The following MAD1L1 variants were observed in gnomAD, a reference collection of about 807,000 sequenced individuals.
The protein encoded by MAD1L1 is mitotic spindle assembly checkpoint protein MAD1.
Under a neutral mutation model 96.9 loss-of-function variants are expected in MAD1L1, and 95 were observed. The ratio of observed to expected loss-of-function variants is 0.98; its 90% CI spans 0.83 to 1.16. The LOEUF (loss-of-function observed/expected upper bound fraction) is 1.16. MAD1L1 is among the 50% of genes most tolerant of loss of function. The probability of loss-of-function intolerance (pLI) is 0.00; values close to 1 mark genes in which losing one functional copy is unlikely to be tolerated. For missense variants in MAD1L1, 1,007 were observed against 954.4 expected, an observed-to-expected ratio of 1.06 and a Z score of -0.73; for synonymous variants, 473 against 396.6, an observed-to-expected ratio of 1.19 and a Z score of -2.29.
chr7:2,224,393 T>C (rs1562388670), intron 4 of MAD1L1, among the ~76,000 whole-genome samples: 1 of 151,962 alleles, frequency 6.6e-6, no homozygotes, highest in Non-Finnish European at 1.5e-5. Context: ...ACGCCCCACC[T>C]CTCAGGGAAA....
chr7:2,089,674 C>T (rs552355896), intron 11 of MAD1L1, among the ~76,000 whole-genome samples: 38 of 148,546 alleles, frequency 2.6e-4, no homozygotes, highest in African/African-American at 8.2e-4. Context: ...CCACCCCACA[C>T]GCCCACCCCA....
At chr7:1,851,899 G>A (rs1404668299) in intron 18 of MAD1L1, among the ~76,000 whole-genome samples, 2 of 152,220 alleles carry the variant, frequency 1.3e-5, no homozygotes, top group African/African-American at 2.4e-5. Context: ...GCTGCTGCCC[G>A]GGAGCTGGAG....
chr7:1,952,923 G>A (rs1332910752), intron 16 of MAD1L1, among the ~76,000 whole-genome samples: 1 of 152,210 alleles, frequency 6.6e-6, no homozygotes, highest in Non-Finnish European at 1.5e-5. Context: ...TTGGCTCAGA[G>A]CACCCGCCGG....
At chr7:1,952,327 G>A (rs892600084) in intron 16 of MAD1L1, among the ~76,000 whole-genome samples, 2 of 152,208 alleles carry the variant, frequency 1.3e-5, no homozygotes, top group Non-Finnish European at 2.9e-5. Context: ...CCGGCGGCCC[G>A]GTCCGGAGTG....
intron 18 of MAD1L1, among the ~76,000 whole-genome samples, chr7:1,842,565 G>A (rs945824063): frequency 5.3e-5 from 8 of 152,274 alleles, no homozygotes; most frequent in East Asian, 3.8e-4. Flanking sequence ...TGTCCCAGGC[G>A]AGCTGAGTAA....
chr7:1,924,794 G>C (rs1478420510), intron 17 of MAD1L1, among the ~76,000 whole-genome samples: 2 of 152,160 alleles, frequency 1.3e-5, no homozygotes, highest in Non-Finnish European at 2.9e-5. Context: ...TAGAGAGTAA[G>C]TACATAGGAC....
intron 16 of MAD1L1, among the ~76,000 whole-genome samples, chr7:1,946,767 A>T (rs1176843937): frequency 6.6e-6 from 1 of 152,222 alleles, no homozygotes; most frequent in Non-Finnish European, 1.5e-5. Context: ...TGGAGATGAC[A>T]GGGCCCCACC....
Position 2,103,610 on chromosome 7 carries a change from C to G in MAD1L1, c.1074-34272G>C, listed in dbSNP as rs1167961613. Among the ~76,000 whole-genome samples, 1 of 152,172 alleles carries G rather than the reference C, an allele frequency of 6.6e-6. No individual in the cohort carries two copies. The highest frequency in any genetic ancestry group is 2.4e-5 in the African/African-American group (1 of 41,458). On this transcript the variant is annotated intron_variant, in intron 11 of 18. Coordinates refer to ENST00000265854, the MANE Select transcript of MAD1L1 (RefSeq NM_001013836.2). The surrounding 1 kb of genome is among the most constrained non-coding windows in gnomAD (Gnocchi z 4.3). ...CAGCCCTGGGAGCCCCTGCGAAGGC[C>G]TCTCAGGAGCCGGGCAGCACAGCCA... is the stretch of plus-strand genomic sequence containing the variant.
chr7:2,111,186 G>T (rs535196622), intron 11 of MAD1L1, among the ~76,000 whole-genome samples: 2 of 152,166 alleles, frequency 1.3e-5, no homozygotes, highest in Non-Finnish European at 2.9e-5. Context: ...CACTGTGCCC[G>T]CCCCTCGCTC....
At position 2,219,457 on chromosome 7, in the gene MAD1L1, C is replaced by G. The variant is rs1793472162; in HGVS notation, c.472-1G>C. 6.2e-7 allele frequency: 1 copy of G among 1,613,290 alleles called. No homozygotes were observed. The highest frequency in any genetic ancestry group is 8.5e-7 in the Non-Finnish European group (1 of 1,179,762). ...TCCTCCCCTTCAGTGCGTTGATGGT[C>G]TAAAAGTAGAGGGGACCAGAGAGCC... On this transcript the variant is annotated splice_acceptor_variant, in intron 5 of 18. Coordinates refer to ENST00000265854, the MANE Select transcript of MAD1L1 (RefSeq NM_001013836.2). LOFTEE classifies it high-confidence loss of function.
chr7:2,225,964 C>T (rs916290130), intron 3 of MAD1L1, among the ~76,000 whole-genome samples: 1 of 152,216 alleles, frequency 6.6e-6, no homozygotes, highest in Non-Finnish European at 1.5e-5. Context: ...AGGTCTCCTT[C>T]CCGACTGGCT....
At chr7:1,999,401 G>GCCTC (rs1781692549) in intron 14 of MAD1L1, among the ~76,000 whole-genome samples, 1 of 152,028 alleles carries the variant, frequency 6.6e-6, no homozygotes, top group South Asian at 2.1e-4. Flanking sequence ...TCACATCTCC[G>GCCTC]CCTCCCTCCC....
rs1456276311 is a variant in MAD1L1 at position 2,076,238 on chromosome 7, T to C, written c.1074-6900A>G. Among the ~76,000 whole-genome samples the C allele has an allele frequency of 2.6e-5, 4 of 152,166 alleles. No individual in the cohort carries two copies. The East Asian group carries it at 7.7e-4, about 29-fold the overall frequency. ...CACAGAATGCCTGTGTCGTCCCAAGTTCACCTGTGAAAACCCAGATCCCCA... is the reference window on the plus strand; with the variant it reads ...CACAGAATGCCTGTGTCGTCCCAAGCTCACCTGTGAAAACCCAGATCCCCA... On this transcript the variant is annotated intron_variant, in intron 11 of 18. Transcript: ENST00000265854.
intron 6 of MAD1L1, 24 bp downstream of exon 6, chr7:2,219,308 A>ACCCCACACCCTGGCCCCGC (rs1478979254): frequency 1.2e-5 from 18 of 1,536,120 alleles, no homozygotes; most frequent in Non-Finnish European, 6.1e-6. Context: ...CCGACCCCCG[A>ACCCCACACCCTGGCCCCGC]CCCCACACCC....
chr7:1,985,846 C>G (rs535746311), intron 14 of MAD1L1, among the ~76,000 whole-genome samples: 3 of 152,304 alleles, frequency 2.0e-5, no homozygotes, highest in East Asian at 1.9e-4. Flanking sequence ...TCATGCAACC[C>G]CCGGCCTCAC....
chr7:2,179,073 CGG>C (rs1791070684), intron 10 of MAD1L1, among the ~76,000 whole-genome samples: 1 of 152,104 alleles, frequency 6.6e-6, no homozygotes, highest in Admixed American at 6.5e-5. Flanking sequence ...GTGACTAAAA[CGG>C]TCAGAATCAG....
intron 18 of MAD1L1, among the ~76,000 whole-genome samples, chr7:1,879,796 T>A (rs562548992): frequency 1.3e-5 from 2 of 152,250 alleles, no homozygotes; most frequent in East Asian, 3.9e-4. Flanking sequence ...AGTGGCGCGA[T>A]CTCGGCTCAC....
At chr7:2,084,062 C>T (rs1785786462) in intron 11 of MAD1L1, among the ~76,000 whole-genome samples, 1 of 152,382 alleles carries the variant, frequency 6.6e-6, no homozygotes, top group South Asian at 2.1e-4. Flanking sequence ...CATTCCCTTT[C>T]TCGCTATCAG....
At chr7:1,913,754 G>A (rs1788170724) in intron 17 of MAD1L1, among the ~76,000 whole-genome samples, 1 of 152,176 alleles carries the variant, frequency 6.6e-6, no homozygotes, top group Non-Finnish European at 1.5e-5. Context: ...GGACACAGCA[G>A]AGCCACTGGG....
Sources: allele counts gnomAD v4.1 joint callset (sites outside exome capture counted in the v4.1 genomes callset), GRCh38; gene constraint gnomAD v4.1.1; non-coding constraint Gnocchi (gnomAD v3.1); transcripts MANE v1.5; gene names NCBI Gene and HGNC (gene_info 2026-07-23, HGNC 2026-07-21).